ARMC8: variants seen among roughly 807,000 people sequenced by gnomAD.
The protein encoded by ARMC8 is armadillo repeat-containing protein 8.
A neutral mutation model predicts 99.3 loss-of-function variants in ARMC8; 20 were observed. The observed-to-expected ratio is 0.20, with a 90% confidence interval of 0.14 to 0.29. ARMC8 has a LOEUF of 0.29. ARMC8 is among the 10% of genes least tolerant of loss of function. ARMC8 has a pLI of 1.00. For missense variants in ARMC8, 569 were observed against 809.5 expected (o/e 0.70, Z 3.60); for synonymous variants, 263 against 278.3 (o/e 0.95, Z 0.55).
chr3:138,223,774 C>A, intron 5 of ARMC8, 41 bp downstream of exon 5: 1 of 1,495,990 alleles, frequency 6.7e-7, no homozygotes, highest in Non-Finnish European at 9.3e-7. Flanking sequence ...TACATTTCAC[C>A]AACAGCCTAC....
chr3:138,240,361 G>T (rs966066269), intron 10 of ARMC8, among the ~76,000 whole-genome samples: 5 of 152,144 alleles, frequency 3.3e-5, no homozygotes, highest in Non-Finnish European at 7.3e-5. Flanking sequence ...TTGGGGAAGA[G>T]AATTAATTTA....
At chr3:138,238,770 G>A (rs1321966280) in intron 9 of ARMC8, 1 of 152,162 alleles carries the variant, frequency 6.6e-6, no homozygotes, top group Non-Finnish European at 1.5e-5. Flanking sequence ...AGAAGCCAAC[G>A]TGAGATGTTT....
chr3:138,245,261 A>G, intron 12 of ARMC8, 78 bp downstream of exon 12: 2 of 1,614,144 alleles, frequency 1.2e-6, no homozygotes, highest in Non-Finnish European at 1.7e-6. Flanking sequence ...AGTCGTGGTG[A>G]AGAGCACTAA....
intron 12 of ARMC8, among the ~76,000 whole-genome samples, chr3:138,254,250 G>C (rs925294147): frequency 1.3e-5 from 2 of 152,184 alleles, no homozygotes; most frequent in African/African-American, 4.8e-5. Context: ...TCTGTTAATA[G>C]GTTACTTCTT....
intron 6 of ARMC8, among the ~76,000 whole-genome samples, chr3:138,231,060 G>A (rs1031021784): frequency 1.3e-5 from 2 of 152,286 alleles, no homozygotes; most frequent in African/African-American, 2.4e-5. Context: ...GGATAAGTTA[G>A]CATTTGCCAC....
At chr3:138,252,217 G>A (rs1054006753) in intron 12 of ARMC8, among the ~76,000 whole-genome samples, 8 of 152,098 alleles carry the variant, frequency 5.3e-5, no homozygotes, top group Non-Finnish European at 1.2e-4. Flanking sequence ...ATTAAAAGAA[G>A]AATATTTTCT....
intron 5 of ARMC8, among the ~76,000 whole-genome samples, chr3:138,223,969 T>G (rs2045545729): frequency 6.6e-6 from 1 of 150,730 alleles, no homozygotes; most frequent in Non-Finnish European, 1.5e-5. Flanking sequence ...TTTTTTTTTT[T>G]TTTTTTTGAG....
chr3:138,249,201 G>A (rs2047016997), intron 12 of ARMC8, among the ~76,000 whole-genome samples: 1 of 152,142 alleles, frequency 6.6e-6, no homozygotes, highest in African/African-American at 2.4e-5. Context: ...GCTCTTGTCT[G>A]CATTAGGAAC....
At chr3:138,229,134 G>GTATATATATATATATATATA (rs71146119) in intron 6 of ARMC8, 124 bp downstream of exon 6, 4 of 78,602 alleles carry the variant, frequency 5.1e-5, no homozygotes, top group African/African-American at 7.0e-5. Context: ...GTGTGTGCGT[G>GTATATATATATATATATATA]TATATATATA....
chr3:138,202,496 CTT>C (rs574612075), intron 1 of ARMC8, among the ~76,000 whole-genome samples: 352 of 152,276 alleles, frequency 2.3e-3, no homozygotes, highest in African/African-American at 7.2e-3. Flanking sequence ...AAATTACCCT[CTT>C]TGCACAGAAA....
intron 1 of ARMC8, among the ~76,000 whole-genome samples, chr3:138,193,883 A>T (rs1199345468): frequency 6.6e-6 from 1 of 152,176 alleles, no homozygotes; most frequent in African/African-American, 2.4e-5. Context: ...TCTGTGAAAG[A>T]CCCTGTTAAA....
Position 138,270,109 on chromosome 3 carries a change from G to A in ARMC8, c.1456G>A (p.Val486Met). The stretch of plus-strand genomic sequence containing the variant: ...TCAGAGTGAAAATCCTGCTTTACGA[G>A]TGAATGGAATTTGGGCTTTAATGGT... Reference protein sequence around the residue: ...LTQSENPALRVNGIWALMNMA... With the variant: ...LTQSENPALRMNGIWALMNMA... The change falls in exon 16 of 22, where the codon GTG (valine) becomes ATG (methionine). Residue 486 changes from valine to methionine, a missense_variant. Around this residue, in one of 2 missense-constraint regions of ARMC8, gnomAD observed 227 missense variants for 417.9 expected, o/e 0.54. Transcript: ENST00000469044. 1.2e-6 allele frequency: 2 copies of A among 1,613,020 alleles called. No homozygotes were observed. Among genetic ancestry groups the A allele is most frequent in the South Asian group, 2.2e-5 (2 of 91,022 alleles).
chr3:138,263,169 C>T (rs1257336451), intron 12 of ARMC8, among the ~76,000 whole-genome samples: 1 of 152,194 alleles, frequency 6.6e-6, no homozygotes, highest in East Asian at 1.9e-4. Context: ...AGGAAAATTG[C>T]AGGTTATCTT....
At chr3:138,280,880 G>A (rs1487051730) in intron 18 of ARMC8, among the ~76,000 whole-genome samples, 2 of 151,964 alleles carry the variant, frequency 1.3e-5, no homozygotes, top group East Asian at 1.9e-4. Flanking sequence ...CACCTGCCTC[G>A]GCCTCCCAAA....
Position 138,296,107 on chromosome 3 carries a change from G to GTT in ARMC8, c.*223_*224dup. On this transcript the variant is annotated 3_prime_UTR_variant, in exon 22 of 22. Coordinates refer to ENST00000469044, the MANE Select transcript of ARMC8 (RefSeq NM_001363941.2). ...CAGAAGACTCTTGTGTTTTGTTTTG[G>GTT]TTTTTTTTTCTGAGCTACTCGGACT... The GTT allele has an allele frequency of 1.5e-5, 7 of 470,766 alleles. No individual in the cohort carries two copies. The highest frequency in any genetic ancestry group is 3.6e-5 in the East Asian group (1 of 27,466). The allele number at this position is 470,766 out of a possible 1,614,324, so 29.2% of individuals were successfully genotyped here. A position where few individuals can be genotyped will look rare whatever the true frequency, so the allele number is the denominator to read the frequency against.
chr3:138,242,618 A>C (rs1413597567), intron 11 of ARMC8, among the ~76,000 whole-genome samples: 1 of 152,240 alleles, frequency 6.6e-6, no homozygotes, highest in African/African-American at 2.4e-5. Flanking sequence ...GGAGATGAAC[A>C]TTCTGTAAGA....
intron 7 of ARMC8, among the ~76,000 whole-genome samples, chr3:138,236,982 A>G (rs775233265): frequency 1.3e-5 from 2 of 152,194 alleles, no homozygotes; most frequent in African/African-American, 4.8e-5. Flanking sequence ...TTTGAAAGCC[A>G]CTTGGTAATT....
chr3:138,194,295 G>T (rs559954445), intron 1 of ARMC8, among the ~76,000 whole-genome samples: 3 of 150,262 alleles, frequency 2.0e-5, no homozygotes, highest in Non-Finnish European at 4.4e-5. Context: ...CGCCCGCCGC[G>T]GCCTCCCAAA....
intron 2 of ARMC8, among the ~76,000 whole-genome samples, chr3:138,210,134 A>C (rs2044611024): frequency 6.6e-6 from 1 of 152,248 alleles, no homozygotes; most frequent in Admixed American, 6.5e-5. Flanking sequence ...CACATTAAAA[A>C]AATGTTTTCT....
Sources: allele counts gnomAD v4.1 joint callset (sites outside exome capture counted in the v4.1 genomes callset), GRCh38; gene constraint gnomAD v4.1.1; regional missense constraint gnomAD v4.1.1; transcripts MANE v1.5; gene names NCBI Gene and HGNC (gene_info 2026-07-23, HGNC 2026-07-21).